The following CLVS1 variants were observed in gnomAD, a reference collection of about 807,000 sequenced individuals.
CLVS1 encodes clavesin-1.
CLVS1 carries 10 observed loss-of-function variants against 33.1 expected under a neutral mutation model. The observed-to-expected ratio is 0.30, with a 90% CI of 0.19 to 0.51. The LOEUF is 0.51. Among genes scored for constraint, CLVS1 ranks in the 20% least tolerant of loss-of-function variants. The pLI is 0.97. For synonymous variants in CLVS1, 163 were observed against 166.1 expected (o/e 0.98, Z 0.14); for missense variants, 343 against 433.4 (o/e 0.79, Z 1.85).
Position 61,088,557 on chromosome 8 carries a change from A to ATTT in CLVS1, c.-243+31330_-243+31332dup, listed in dbSNP as rs201059747. On this transcript the variant is annotated intron_variant, in intron 1 of 2. Coordinates refer to the CLVS1 transcript ENST00000522621. Reference sequence around the variant, plus strand: ...GTTAATAGATACTTGGATTACTGGCATTTTTCTGTTATATGCCACAGTGCT... The same window carrying ATTT: ...GTTAATAGATACTTGGATTACTGGCATTTTTTTTCTGTTATATGCCACAGTGCT... Among the ~76,000 whole-genome samples, 457 of 151,546 alleles carry ATTT rather than the reference A, an allele frequency of 3.0e-3. 5 individuals are homozygous for ATTT. Among genetic ancestry groups the ATTT allele is most frequent in the African/African-American group, 0.011 (437 of 41,196 alleles).
intron 3 of CLVS1, among the ~76,000 whole-genome samples, chr8:61,432,791 A>T (rs1468443047): frequency 6.6e-6 from 1 of 152,244 alleles, no homozygotes; most frequent in Non-Finnish European, 1.5e-5. Flanking sequence ...ATCTCAATCA[A>T]TTCAGAGGTT....
At chr8:61,406,816 C>T (rs1331145454) in intron 3 of CLVS1, among the ~76,000 whole-genome samples, 1 of 152,074 alleles carries the variant, frequency 6.6e-6, no homozygotes, top group East Asian at 1.9e-4. Context: ...ACTGTGTTGC[C>T]CAGGCTGGTC....
chr8:61,474,333 C>T (rs933919543), intron 5 of CLVS1, among the ~76,000 whole-genome samples: 1 of 152,054 alleles, frequency 6.6e-6, no homozygotes, highest in African/African-American at 2.4e-5. Context: ...TCATAGGAAG[C>T]CTTCACAAGA....
intron 2 of CLVS1, among the ~76,000 whole-genome samples, chr8:61,311,078 C>T (rs1286388158): frequency 1.3e-5 from 2 of 152,058 alleles, no homozygotes; most frequent in Admixed American, 6.6e-5. Context: ...GGTGGTTTTC[C>T]TATTTTGACC....
chr8:60,967,446 G>A, the CLVS1 span: 1 of 331,680 alleles, frequency 3.0e-6, no homozygotes, highest in African/African-American at 2.2e-5. Flanking sequence ...GCAGAGGGAA[G>A]GGGAACGGAA....
intron 3 of CLVS1, among the ~76,000 whole-genome samples, chr8:61,438,838 G>A (rs1222775871): frequency 6.6e-6 from 1 of 152,140 alleles, no homozygotes; most frequent in African/African-American, 2.4e-5. Context: ...TTATAATATT[G>A]TCAAGAGTGT....
intron 2 of CLVS1, among the ~76,000 whole-genome samples, chr8:61,375,313 C>T (rs921159211): frequency 7.3e-5 from 11 of 149,992 alleles, no homozygotes; most frequent in Non-Finnish European, 1.3e-4. Context: ...TGCAATGGCG[C>T]GATCTCAGCT....
At chr8:61,477,424 G>C (rs1817994271) in intron 5 of CLVS1, among the ~76,000 whole-genome samples, 2 of 152,158 alleles carry the variant, frequency 1.3e-5, no homozygotes, top group African/African-American at 4.8e-5. Context: ...GAATCCATCT[G>C]GTCCTGGACT....
chr8:61,117,448 C>T (rs1474989633), intron 1 of CLVS1, among the ~76,000 whole-genome samples: 4 of 151,908 alleles, frequency 2.6e-5, no homozygotes, highest in Admixed American at 6.6e-5. Context: ...CTGTCTTGCG[C>T]CAGTTTTCAA....
the CLVS1 span, among the ~76,000 whole-genome samples, chr8:60,977,649 T>C: frequency 6.6e-6 from 1 of 152,014 alleles, no homozygotes; most frequent in Non-Finnish European, 1.5e-5. Context: ...GAAAAAAGAA[T>C]GAAGAAAAAT....
chr8:61,092,341 G>A (rs1805265630), intron 1 of CLVS1, among the ~76,000 whole-genome samples: 1 of 152,178 alleles, frequency 6.6e-6, no homozygotes, highest in South Asian at 2.1e-4. Context: ...TCTACAGATT[G>A]GCAACAGCAG....
At chr8:61,475,520 T>G (rs573043962) in intron 5 of CLVS1, among the ~76,000 whole-genome samples, 9 of 152,270 alleles carry the variant, frequency 5.9e-5, no homozygotes, top group Non-Finnish European at 1.3e-4. Flanking sequence ...TCATTGTGGT[T>G]TTGATTTACA....
chr8:61,009,413 G>A, the CLVS1 span, among the ~76,000 whole-genome samples: 15 of 152,274 alleles, frequency 9.9e-5, no homozygotes, highest in Non-Finnish European at 2.2e-4. Context: ...CTCGCCAAGT[G>A]CTGGGATTAC....
At chr8:61,130,585 G>A (rs1233922003) in intron 1 of CLVS1, among the ~76,000 whole-genome samples, 1 of 152,208 alleles carries the variant, frequency 6.6e-6, no homozygotes, top group Non-Finnish European at 1.5e-5. Context: ...AATATAATTA[G>A]AATAACATTT....
At chr8:61,050,009 T>C in the CLVS1 span, among the ~76,000 whole-genome samples, 31 of 152,378 alleles carry the variant, frequency 2.0e-4, no homozygotes, top group African/African-American at 7.5e-4. Context: ...GTAATAAGGC[T>C]GCTATTGTCT....
intron 3 of CLVS1, among the ~76,000 whole-genome samples, chr8:61,381,945 G>A (rs1813896799): frequency 6.6e-6 from 1 of 152,100 alleles, no homozygotes; most frequent in Non-Finnish European, 1.5e-5. Flanking sequence ...ATTCTTTTGG[G>A]TATTTACCCA....
intron 1 of CLVS1, among the ~76,000 whole-genome samples, chr8:61,087,504 G>A (rs1278354823): frequency 6.6e-6 from 1 of 152,184 alleles, no homozygotes; most frequent in African/African-American, 2.4e-5. Context: ...GGATTTGTTA[G>A]GAGCTGCAGG....
At chr8:61,147,337 T>A (rs1242774469) in intron 2 of CLVS1, among the ~76,000 whole-genome samples, 5 of 152,198 alleles carry the variant, frequency 3.3e-5, no homozygotes, top group Non-Finnish European at 1.5e-5. Flanking sequence ...GGCAGTTCTA[T>A]TTCTTGGAAG....
At chr8:61,099,946 C>T (rs1412985245) in intron 1 of CLVS1, among the ~76,000 whole-genome samples, 1 of 152,098 alleles carries the variant, frequency 6.6e-6, no homozygotes, top group Non-Finnish European at 1.5e-5. Flanking sequence ...AGACAATAAG[C>T]ACAATAGAAA....
Sources: allele counts gnomAD v4.1 joint callset (sites outside exome capture counted in the v4.1 genomes callset), GRCh38; gene constraint gnomAD v4.1.1; transcripts MANE v1.5; gene names NCBI Gene and HGNC (gene_info 2026-07-23, HGNC 2026-07-21).